PAXBP1: variants seen among roughly 807,000 people sequenced by gnomAD.
The protein encoded by PAXBP1 is PAX3- and PAX7-binding protein 1.
Under a neutral mutation model 119.9 loss-of-function variants are expected in PAXBP1, and 44 were observed. That is an observed-to-expected ratio of 0.37 (90% CI 0.29 to 0.47). The LOEUF (loss-of-function observed/expected upper bound fraction) is 0.47, where lower values mean the gene tolerates loss of function less well. Ranked by LOEUF, PAXBP1 falls within the 20% of genes least tolerant of loss-of-function variation. The pLI, the probability that PAXBP1 is intolerant of heterozygous loss-of-function variation, is 0.99. For missense variants in PAXBP1, 898 were observed against 1,134.1 expected, an observed-to-expected ratio of 0.79 and a Z score of 2.99; for synonymous variants, 393 against 406.6, an observed-to-expected ratio of 0.97 and a Z score of 0.40.
chr21:32,761,291 T>C (rs1263059338), intron 4 of PAXBP1, 129 bp from the exon 5 acceptor site: 1 of 712,744 alleles, frequency 1.4e-6, no homozygotes, highest in African/African-American at 1.8e-5. Flanking sequence ...TCTAATATGA[T>C]CTCCTCTCTC....
At position 32,737,274 on chromosome 21, in the gene PAXBP1, A is replaced by G. The variant is rs1333269785; in HGVS notation, c.2616T>C (p.Asp872=). 5.2e-6 allele frequency: 8 copies of G among 1,545,248 alleles called. No homozygotes were observed. The highest frequency in any genetic ancestry group is 6.1e-6 in the Non-Finnish European group (7 of 1,144,314). ...ATTACCTTGCATTTCTTTTTTCCAC[A>G]TCAGAACACCCGATACTATTTCTAT... ...TIYRNSIGCS[D]VEKRNARENI... The change falls in exon 17 of 18, where the codon GAT becomes GAC. Residue 872 remains aspartate (D), a synonymous_variant. Coordinates refer to ENST00000331923, the MANE Select transcript of PAXBP1 (RefSeq NM_016631.4).
chr21:32,751,379 CATT>C (rs2043956747), intron 8 of PAXBP1, 161 bp from the exon 9 acceptor site: 1 of 558,456 alleles, frequency 1.8e-6, no homozygotes, highest in Non-Finnish European at 3.2e-6. Context: ...GAACAAATTT[CATT>C]ATTATTCTGC....
At chr21:32,763,652 A>AT (rs773026961) in intron 3 of PAXBP1, among the ~76,000 whole-genome samples, 1 of 152,154 alleles carries the variant, frequency 6.6e-6, no homozygotes, top group African/African-American at 2.4e-5. Context: ...CCTGCAAACT[A>AT]TTTTTTGCAG....
At chr21:32,764,259 T>C (rs907430573) in intron 3 of PAXBP1, 89 bp downstream of exon 3, 1 of 1,260,894 alleles carries the variant, frequency 7.9e-7, no homozygotes, top group African/African-American at 1.5e-5. Context: ...GAAACACCAC[T>C]CAGCTAATTC....
At chr21:32,754,285 T>G (rs2044008218) in intron 8 of PAXBP1, among the ~76,000 whole-genome samples, 1 of 152,226 alleles carries the variant, frequency 6.6e-6, no homozygotes, top group Non-Finnish European at 1.5e-5. Context: ...AACATGCAAA[T>G]TTCTGGATGC....
intron 13 of PAXBP1, among the ~76,000 whole-genome samples, chr21:32,744,013 G>GA (rs2043829694): frequency 6.6e-6 from 1 of 152,032 alleles, no homozygotes; most frequent in Admixed American, 6.5e-5. Flanking sequence ...ACATAATCTA[G>GA]CTCTCAAAGT....
chr21:32,769,752 T>C, intron 2 of PAXBP1, 62 bp downstream of exon 2: 4 of 1,558,188 alleles, frequency 2.6e-6, no homozygotes, highest in Non-Finnish European at 3.5e-6. Flanking sequence ...ATACAGCAAA[T>C]CACTGTGAGA....
intron 13 of PAXBP1, 32 bp from the exon 14 acceptor site, chr21:32,743,786 A>T (rs529422772): frequency 8.3e-7 from 1 of 1,204,312 alleles, no homozygotes; most frequent in South Asian, 1.3e-5. Flanking sequence ...ACACATTTTA[A>T]TAAGGACTAT....
At chr21:32,771,270 CG>C in intron 1 of PAXBP1, 55 bp downstream of exon 1, 6 of 1,450,016 alleles carry the variant, frequency 4.1e-6, no homozygotes, top group Admixed American at 2.1e-5. Context: ...GGGCGGGGGA[CG>C]GGGGCCTGCG....
intron 1 of PAXBP1, among the ~76,000 whole-genome samples, chr21:32,770,946 T>C (rs1239782729): frequency 2.6e-5 from 4 of 152,114 alleles, no homozygotes; most frequent in Admixed American, 2.6e-4. Flanking sequence ...CCAAGAAGTG[T>C]GGGCGCAGTG....
At chr21:32,737,581 C>A in intron 16 of PAXBP1, 173 bp from the exon 17 acceptor site, 1 of 491,540 alleles carries the variant, frequency 2.0e-6, no homozygotes, top group Non-Finnish European at 3.4e-6. Context: ...ATTAACTAAA[C>A]CAATATACCT....
chr21:32,765,148 G>C (rs1018226720), intron 2 of PAXBP1, among the ~76,000 whole-genome samples: 1 of 152,194 alleles, frequency 6.6e-6, no homozygotes, highest in African/African-American at 2.4e-5. Flanking sequence ...GACTGAAGCA[G>C]AGATAACCAG....
At chr21:32,746,658 T>C (rs951346997) in intron 11 of PAXBP1, among the ~76,000 whole-genome samples, 1 of 151,782 alleles carries the variant, frequency 6.6e-6, no homozygotes, top group Non-Finnish European at 1.5e-5. Context: ...TTGGTGGGAG[T>C]GTAAGGAAGA....
intron 7 of PAXBP1, 92 bp from the exon 8 acceptor site, chr21:32,755,445 A>G: frequency 2.0e-6 from 3 of 1,525,830 alleles, no homozygotes; most frequent in Non-Finnish European, 2.7e-6. Flanking sequence ...CTGAAAAAGT[A>G]CCCTCTCTAT....
chr21:32,738,441 T>C (rs2043725059), intron 15 of PAXBP1, 122 bp from the exon 16 acceptor site: 1 of 726,632 alleles, frequency 1.4e-6, no homozygotes, highest in Non-Finnish European at 2.2e-6. Flanking sequence ...TACTAAGAAA[T>C]ATTAATACTT....
chr21:32,765,432 A>C (rs2044224585), intron 2 of PAXBP1, among the ~76,000 whole-genome samples: 1 of 152,210 alleles, frequency 6.6e-6, no homozygotes, highest in African/African-American at 2.4e-5. Context: ...CCAGGCAAAA[A>C]TCGAAGTGCT....
At chr21:32,757,600 A>C (rs2146503937) in intron 7 of PAXBP1, among the ~76,000 whole-genome samples, 1 of 152,320 alleles carries the variant, frequency 6.6e-6, no homozygotes, top group East Asian at 1.9e-4. Context: ...TTTTGGTATG[A>C]TCTAGCTGAT....
At chr21:32,735,265 A>G (rs998447850) in intron 17 of PAXBP1, among the ~76,000 whole-genome samples, 198 bp from the exon 18 acceptor site, 22 of 152,220 alleles carry the variant, frequency 1.4e-4, no homozygotes, top group African/African-American at 5.1e-4. Context: ...CAAAACTTAC[A>G]TATGTTTAAA....
intron 7 of PAXBP1, chr21:32,756,292 T>C (rs2044041477): frequency 9.4e-6 from 5 of 533,984 alleles, no homozygotes; most frequent in Non-Finnish European, 1.9e-5. Flanking sequence ...TGATGGTTAG[T>C]GCAAATGGAA....
Sources: gnomAD v4.1 joint callset for allele counts (sites outside exome capture counted in the v4.1 genomes callset) on GRCh38, gnomAD v4.1.1 for gene constraint, MANE v1.5 for transcripts, NCBI Gene and HGNC (gene_info 2026-07-23, HGNC 2026-07-21) for gene names.